Variants in TIMP3 observed in about 807,000 individuals in gnomAD.
TIMP3 encodes the protein TIMP metallopeptidase inhibitor 3.
A neutral mutation model predicts 30.0 loss-of-function variants in TIMP3; 11 were observed. The ratio of observed to expected loss-of-function variants is 0.37; its 90% CI spans 0.23 to 0.61. The LOEUF is 0.61. Ranked by LOEUF, TIMP3 falls within the 20% of genes least tolerant of loss-of-function variation. TIMP3 has a pLI of 0.70. For missense variants in TIMP3, 181 were observed against 276.8 expected (o/e 0.65, Z 2.45); for synonymous variants, 112 against 111.3 (o/e 1.01, Z -0.04).
In TIMP3 at chr22:32,861,513, T is replaced by G. The variant is rs1215172410; in HGVS notation, c.*2136T>G. 1 of 152,312 alleles carries G rather than the reference T, an allele frequency of 6.6e-6. No individual in the cohort carries two copies. The highest frequency in any genetic ancestry group is 2.4e-5 in the African/African-American group (1 of 41,458). The allele number at this position is 152,312 out of a possible 1,614,324, so 9.4% of individuals were successfully genotyped here. On this transcript the variant is annotated 3_prime_UTR_variant, in exon 5 of 5. Transcript: ENST00000266085. ...GGGGCCCCTGACCAACCTACACAAG[T>G]TCCCTCCCACAAGTGGACATCAGTG... is the stretch of plus-strand genomic sequence containing the variant.
At chr22:32,820,422 AC>A (rs1459800882) in intron 1 of TIMP3, among the ~76,000 whole-genome samples, 3 of 150,352 alleles carry the variant, frequency 2.0e-5, no homozygotes, top group Non-Finnish European at 3.0e-5. Flanking sequence ...CTGCTCATCC[AC>A]CCATTCCACT....
intron 2 of TIMP3, among the ~76,000 whole-genome samples, chr22:32,852,607 A>T (rs1013703236): frequency 6.6e-6 from 1 of 151,788 alleles, no homozygotes; most frequent in Non-Finnish European, 1.5e-5. Context: ...AGAACCTGAG[A>T]CTCCGAGCCG....
At chr22:32,818,808 C>T (rs887837154) in intron 1 of TIMP3, among the ~76,000 whole-genome samples, 2 of 152,144 alleles carry the variant, frequency 1.3e-5, no homozygotes, top group African/African-American at 4.8e-5. Flanking sequence ...GCAAGAGATT[C>T]GCAGGTAGGG....
At position 32,860,316 on chromosome 22, in the gene TIMP3, A is replaced by G. The variant is rs1031510453; in HGVS notation, c.*939A>G. 1.4e-4 allele frequency: 22 copies of G among 152,662 alleles called. No homozygotes were observed. The highest frequency in any genetic ancestry group is 5.1e-4 in the African/African-American group (21 of 41,458). The allele number at this position is 152,662 out of a possible 1,614,324, so 9.5% of individuals were successfully genotyped here. A position where few individuals can be genotyped will look rare whatever the true frequency, so the allele number is the denominator to read the frequency against. The stretch of plus-strand genomic sequence containing the variant: ...ACACTATCCACAGATATAGCCAAGT[A>G]GATTTGGGTAGAGGATACTATTTCC... On this transcript the variant is annotated 3_prime_UTR_variant, in exon 5 of 5. Coordinates refer to ENST00000266085, the MANE Select transcript of TIMP3 (RefSeq NM_000362.5).
intron 2 of TIMP3, among the ~76,000 whole-genome samples, chr22:32,856,099 T>A (rs1204737782): frequency 1.3e-5 from 2 of 152,214 alleles, no homozygotes; most frequent in East Asian, 3.9e-4. Flanking sequence ...CAGGGCTCTT[T>A]TAAGGATACT....
At chr22:32,802,775 A>C (rs1376480226) in intron 1 of TIMP3, among the ~76,000 whole-genome samples, 1 of 152,220 alleles carries the variant, frequency 6.6e-6, no homozygotes, top group African/African-American at 2.4e-5. Context: ...GATAGCCAGC[A>C]GAAGGTGCGA....
At chr22:32,857,711 G>A (rs998197190) in intron 3 of TIMP3, among the ~76,000 whole-genome samples, 3 of 152,170 alleles carry the variant, frequency 2.0e-5, no homozygotes, top group Non-Finnish European at 2.9e-5. Flanking sequence ...TGTAGTAAAG[G>A]AGAAAACAAA....
chr22:32,858,696 T>C (rs2048448337), intron 4 of TIMP3, among the ~76,000 whole-genome samples: 1 of 152,218 alleles, frequency 6.6e-6, no homozygotes, highest in Non-Finnish European at 1.5e-5. Context: ...TGTGTGGTTT[T>C]AATTACTATG....
chr22:32,820,712 G>A (rs909286023), intron 1 of TIMP3, among the ~76,000 whole-genome samples: 2 of 152,170 alleles, frequency 1.3e-5, no homozygotes, highest in African/African-American at 4.8e-5. Flanking sequence ...CTGGGACCAA[G>A]GGGAGGTTTG....
chr22:32,805,401 C>T (rs1380134547), intron 1 of TIMP3, among the ~76,000 whole-genome samples: 1 of 152,196 alleles, frequency 6.6e-6, no homozygotes, highest in Non-Finnish European at 1.5e-5. Context: ...CCCTCTTACA[C>T]ACAATTACAC....
At position 32,859,643 on chromosome 22, in the gene TIMP3, G is replaced by A; in HGVS notation, c.*266G>A. 1 of 494,790 alleles carries A rather than the reference G, an allele frequency of 2.0e-6. No individual in the cohort carries two copies. Among genetic ancestry groups the A allele is most frequent in the East Asian group, 3.5e-5 (1 of 28,524 alleles). 30.6% of individuals were successfully genotyped at this position (494,790 alleles called of 1,614,324 possible). ...CCATGCCAGAAAGAATGAGGAACCT[G>A]TATTCCTCTTCTTCGTGATAATATA... On this transcript the variant is annotated 3_prime_UTR_variant, in exon 5 of 5. Transcript: ENST00000266085.
At position 32,829,444 on chromosome 22, in the gene TIMP3, G is replaced by A. The variant is rs117417826; in HGVS notation, c.122-20008G>A. The stretch of plus-strand genomic sequence containing the variant: ...GAGGGGGTGGGGTCCCCGGGCCTTC[G>A]GCATTTCATTTGCACCCACATGTAG... On this transcript the variant is annotated intron_variant, in intron 1 of 4. Coordinates refer to ENST00000266085, the MANE Select transcript of TIMP3 (RefSeq NM_000362.5). Among the ~76,000 whole-genome samples, 256 of 152,184 alleles carry A rather than the reference G, an allele frequency of 1.7e-3. 1 individual carries two copies. Among genetic ancestry groups the A allele is most frequent in the Admixed American group, 7.3e-3 (112 of 15,294 alleles).
At chr22:32,815,546 T>C (rs749145672) in intron 1 of TIMP3, among the ~76,000 whole-genome samples, 1 of 152,224 alleles carries the variant, frequency 6.6e-6, no homozygotes, top group South Asian at 2.1e-4. Flanking sequence ...ACTTTGCAGA[T>C]GAAAAAAATT....
intron 1 of TIMP3, among the ~76,000 whole-genome samples, chr22:32,802,963 G>A (rs1462538346): frequency 6.6e-6 from 1 of 152,160 alleles, no homozygotes; most frequent in Non-Finnish European, 1.5e-5. Context: ...CTTGAGTAGA[G>A]AGACCCTGTA....
At chr22:32,836,487 CTTAT>C (rs1157593967) in intron 1 of TIMP3, among the ~76,000 whole-genome samples, 1 of 152,206 alleles carries the variant, frequency 6.6e-6, no homozygotes, top group Non-Finnish European at 1.5e-5. Context: ...GCATTCTTTA[CTTAT>C]TTATTTTATT....
intron 1 of TIMP3, among the ~76,000 whole-genome samples, chr22:32,810,666 G>A (rs879138994): frequency 2.0e-5 from 3 of 152,186 alleles, no homozygotes; most frequent in African/African-American, 2.4e-5. Context: ...GCACAGGGCC[G>A]CCTGGCTGCC....
chr22:32,851,664 A>AT lies in TIMP3; in HGVS notation c.204+2133dup, dbSNP rs200153918. On this transcript the variant is annotated intron_variant, in intron 2 of 4. Transcript: ENST00000266085. Reference sequence around the variant, plus strand: ...GGAAATGACTTACTCAGAGTCAAGCATTTAACTAAGGGCAGATCTGATCCC... The same window carrying AT: ...GGAAATGACTTACTCAGAGTCAAGCATTTTAACTAAGGGCAGATCTGATCCC... Among the ~76,000 whole-genome samples the AT allele has an allele frequency of 6.0e-3, 917 of 152,304 alleles. 7 individuals carry two copies. Among genetic ancestry groups the AT allele is most frequent in the African/African-American group, 0.021 (865 of 41,578 alleles).
chr22:32,811,871 A>G (rs956346874), intron 1 of TIMP3, among the ~76,000 whole-genome samples: 4 of 152,204 alleles, frequency 2.6e-5, no homozygotes, highest in African/African-American at 9.6e-5. Flanking sequence ...CCCATTGATA[A>G]GCAGAGGTAG....
At chr22:32,803,634 C>G (rs1297435045) in intron 1 of TIMP3, among the ~76,000 whole-genome samples, 1 of 152,160 alleles carries the variant, frequency 6.6e-6, no homozygotes, top group Admixed American at 6.5e-5. Context: ...CCACCTCCAC[C>G]CACATTCCAC....
Sources: gnomAD v4.1 joint callset for allele counts (sites outside exome capture counted in the v4.1 genomes callset) on GRCh38, gnomAD v4.1.1 for gene constraint, MANE v1.5 for transcripts, NCBI Gene and HGNC (gene_info 2026-07-23, HGNC 2026-07-21) for gene names.